Variants in LDLRAD4 observed in about 807,000 individuals in gnomAD.
The protein encoded by LDLRAD4 is low density lipoprotein receptor class A domain containing 4, also known as low-density lipoprotein receptor class A domain-containing protein 4.
A neutral mutation model predicts 17.0 loss-of-function variants in LDLRAD4; 5 were observed. The observed-to-expected ratio is 0.29, with a 90% confidence interval of 0.15 to 0.62. LDLRAD4 has a LOEUF of 0.62. LDLRAD4 is among the 20% of genes least tolerant of loss of function. The pLI, the probability that LDLRAD4 is intolerant of heterozygous loss-of-function variation, is 0.84. For synonymous variants in LDLRAD4, 168 were observed against 171.8 expected, an observed-to-expected ratio of 0.98 and a Z score of 0.17; for missense variants, 340 against 424.7, an observed-to-expected ratio of 0.80 and a Z score of 1.75.
At chr18:13,490,601 T>C (rs1272317885) in intron 3 of LDLRAD4, 1 of 120,798 alleles carries the variant, frequency 8.3e-6, no homozygotes, top group Non-Finnish European at 2.0e-5. Flanking sequence ...GGTGTTTCAG[T>C]TTATGAAAAC....
intron 3 of LDLRAD4, chr18:13,613,470 T>C (rs1387032828): frequency 6.6e-6 from 1 of 152,222 alleles, no homozygotes; most frequent in Non-Finnish European, 1.5e-5. Context: ...GGCTTATGTA[T>C]GTATTTTTTT....
intron 3 of LDLRAD4, among the ~76,000 whole-genome samples, chr18:13,493,281 C>T (rs1235643212): frequency 6.6e-6 from 1 of 152,160 alleles, no homozygotes; most frequent in African/African-American, 2.4e-5. Flanking sequence ...AGGCTGACAC[C>T]CTGGTTCTCC....
At chr18:13,311,019 A>G (rs562745549) in intron 1 of LDLRAD4, among the ~76,000 whole-genome samples, 50 of 152,324 alleles carry the variant, frequency 3.3e-4, no homozygotes, top group African/African-American at 1.2e-3. Flanking sequence ...TGTAAAATGC[A>G]GAAAGTGATA....
Position 13,645,490 on chromosome 18 carries a change from C to T in LDLRAD4, c.754C>T (p.Pro252Ser). 1 of 1,609,726 alleles carries T rather than the reference C, an allele frequency of 6.2e-7. No homozygotes were observed. Among genetic ancestry groups the T allele is most frequent in the East Asian group, 2.2e-5 (1 of 44,858 alleles). The change falls in exon 6 of 6, where the codon CCC becomes TCC. Residue 252 changes from proline (P) to serine (S), a missense_variant. Coordinates refer to ENST00000359446, the Ensembl canonical transcript of LDLRAD4. This position sits in a 1 kb window ranked among gnomAD's most constrained non-coding sequence, Gnocchi z 5.7. ...CAGTAACGGGAGGATGGAGGGGCCA[C>T]CCCCCACATACAGCGAGGTGATGGG...
At position 13,645,577 on chromosome 18, in the gene LDLRAD4, C is replaced by T; in HGVS notation, c.841C>T (p.Leu281=). The change falls in exon 6 of 6, where the codon CTG becomes TTG. Residue 281 remains leucine, a synonymous_variant. Coordinates refer to ENST00000359446, the Ensembl canonical transcript of LDLRAD4. The surrounding 1 kb of genome is among the most constrained non-coding windows in gnomAD (Gnocchi z 5.7). ...CAGCAACGCACACAGGGGCAGCAGA[C>T]TGCAGTTTCAGCAGAACAATGCAGA... 2 of 1,600,882 alleles carry T rather than the reference C, an allele frequency of 1.2e-6. No individual in the cohort carries two copies. The highest frequency in any genetic ancestry group is 1.7e-6 in the Non-Finnish European group (2 of 1,174,170).
intron 1 of LDLRAD4, among the ~76,000 whole-genome samples, chr18:13,302,324 A>C (rs1297242689): frequency 6.6e-6 from 1 of 152,202 alleles, no homozygotes; most frequent in Non-Finnish European, 1.5e-5. Flanking sequence ...GAGTTTGCCA[A>C]ACCTGGCGTT....
intron 3 of LDLRAD4, among the ~76,000 whole-genome samples, chr18:13,593,539 T>C (rs2095054172): frequency 6.6e-6 from 1 of 152,044 alleles, no homozygotes; most frequent in Non-Finnish European, 1.5e-5. Flanking sequence ...TTCTATTTTG[T>C]TTATTTACTT....
intron 3 of LDLRAD4, among the ~76,000 whole-genome samples, chr18:13,456,280 C>T (rs1187924335): frequency 1.3e-5 from 2 of 152,180 alleles, no homozygotes; most frequent in Non-Finnish European, 2.9e-5. Flanking sequence ...ATGGTCCCCC[C>T]GCCGTCTGCC....
At chr18:13,327,117 C>G (rs937387730) in intron 1 of LDLRAD4, among the ~76,000 whole-genome samples, 2 of 152,084 alleles carry the variant, frequency 1.3e-5, no homozygotes, top group Non-Finnish European at 2.9e-5. Context: ...TTCTGCTTGA[C>G]TCCCTCTGTG....
At position 13,611,792 on chromosome 18, in the gene LDLRAD4, C is replaced by G. The variant is rs2039583818; in HGVS notation, c.182-9325C>G. ...GGAGAGCCAAGAGGGAAGAGCGAGC[C>G]GGGGGGAAAGGAGCGCGCAGTGTTT... On this transcript the variant is annotated intron_variant, in intron 3 of 5. Transcript: ENST00000359446. 4 of 985,362 alleles carry G rather than the reference C, an allele frequency of 4.1e-6. No homozygotes were observed. The African/African-American group carries it at 5.3e-5, about 13-fold the overall frequency. 61.0% of individuals were successfully genotyped at this position (985,362 alleles called of 1,614,324 possible). A position where few individuals can be genotyped will look rare whatever the true frequency, so the allele number is the denominator to read the frequency against.
At chr18:13,402,521 G>A (rs989058440) in intron 2 of LDLRAD4, among the ~76,000 whole-genome samples, 4 of 152,104 alleles carry the variant, frequency 2.6e-5, no homozygotes, top group Admixed American at 6.5e-5. Context: ...AGATCTCTTC[G>A]TTTTTAAGTG....
intron 3 of LDLRAD4, chr18:13,472,413 G>A (rs370430268): frequency 6.6e-6 from 1 of 152,232 alleles, no homozygotes; most frequent in Admixed American, 6.5e-5. Flanking sequence ...TTCATGAAAT[G>A]CTCCAGCATA....
chr18:13,421,450 T>C (rs2089443128), intron 2 of LDLRAD4, among the ~76,000 whole-genome samples: 1 of 152,138 alleles, frequency 6.6e-6, no homozygotes, highest in Non-Finnish European at 1.5e-5. Context: ...CCAGGTGACC[T>C]GTGCTCATTT....
At chr18:13,268,529 C>CTT (rs2044350059) in intron 1 of LDLRAD4, among the ~76,000 whole-genome samples, 1 of 152,226 alleles carries the variant, frequency 6.6e-6, no homozygotes, top group Non-Finnish European at 1.5e-5. Context: ...CCTTGGAATG[C>CTT]AGCCTTGTTA....
intron 3 of LDLRAD4, chr18:13,561,810 A>G (rs558371857): frequency 6.6e-6 from 1 of 152,298 alleles, no homozygotes; most frequent in African/African-American, 2.4e-5. Flanking sequence ...TGAATCTCAA[A>G]TCGATTTCGG....
chr18:13,513,085 G>C (rs2093807737), intron 3 of LDLRAD4, among the ~76,000 whole-genome samples: 1 of 152,180 alleles, frequency 6.6e-6, no homozygotes, highest in Non-Finnish European at 1.5e-5. Context: ...CCAGAACAGG[G>C]TCTTGCACAT....
intron 1 of LDLRAD4, among the ~76,000 whole-genome samples, chr18:13,246,539 G>A (rs1019289611): frequency 2.6e-5 from 4 of 152,230 alleles, no homozygotes; most frequent in Non-Finnish European, 5.9e-5. Flanking sequence ...TACACACACC[G>A]AGGTCAGTGC....
chr18:13,641,966 C>G (rs1453656762), intron 4 of LDLRAD4: 1 of 985,318 alleles, frequency 1.0e-6, no homozygotes, highest in Non-Finnish European at 1.2e-6. Flanking sequence ...CCCTGCGGGC[C>G]CAGCCTGGGC....
At chr18:13,358,984 A>G (rs1181378372) in intron 1 of LDLRAD4, among the ~76,000 whole-genome samples, 1 of 152,228 alleles carries the variant, frequency 6.6e-6, no homozygotes, top group African/African-American at 2.4e-5. Context: ...AAAACACAAC[A>G]AAACCCAAGA....
Sources: allele counts gnomAD v4.1 joint callset (sites outside exome capture counted in the v4.1 genomes callset), GRCh38; gene constraint gnomAD v4.1.1; non-coding constraint Gnocchi (gnomAD v3.1); transcripts MANE v1.5; gene names NCBI Gene and HGNC (gene_info 2026-07-23, HGNC 2026-07-21).